The following TLK2 variants were observed in gnomAD, a reference collection of about 807,000 sequenced individuals.
TLK2 encodes the protein tousled like kinase 2.
A neutral mutation model predicts 117.3 loss-of-function variants in TLK2; 6 were observed. The ratio of observed to expected loss-of-function variants is 0.05; its 90% CI spans 0.03 to 0.10. TLK2 has a LOEUF of 0.10. Among genes scored for constraint, TLK2 ranks in the 10% least tolerant of loss-of-function variants. TLK2 has a pLI of 1.00. For missense variants in TLK2, 299 were observed against 901.2 expected (o/e 0.33, Z 8.56); for synonymous variants, 257 against 316.7 (o/e 0.81, Z 2.00).
chr17:62,595,776 A>G (rs1489679741), intron 16 of TLK2, among the ~76,000 whole-genome samples: 3 of 152,170 alleles, frequency 2.0e-5, no homozygotes, highest in African/African-American at 7.2e-5. Flanking sequence ...TTGTTTTTGT[A>G]AGAAGGATTT....
At chr17:62,523,351 G>A (rs1218353398) in intron 5 of TLK2, among the ~76,000 whole-genome samples, 174 bp downstream of exon 5, 1 of 152,118 alleles carries the variant, frequency 6.6e-6, no homozygotes, top group Admixed American at 6.6e-5. Flanking sequence ...GGCCAAGATG[G>A]GAGGATCGCT....
intron 11 of TLK2, 123 bp downstream of exon 11, chr17:62,565,260 T>A: frequency 1.6e-6 from 2 of 1,230,460 alleles, no homozygotes; most frequent in Non-Finnish European, 2.2e-6. Context: ...AGTTTTTTAG[T>A]CACCACATGT....
intron 7 of TLK2, among the ~76,000 whole-genome samples, chr17:62,538,032 TG>T (rs1439977461): frequency 7.3e-6 from 1 of 137,538 alleles, no homozygotes; most frequent in Non-Finnish European, 1.6e-5. Context: ...GTTAAATCTT[TG>T]TTTTTTTTTT....
chr17:62,594,147 C>G (rs1237895090), intron 16 of TLK2, among the ~76,000 whole-genome samples: 1 of 151,970 alleles, frequency 6.6e-6, no homozygotes, highest in Non-Finnish European at 1.5e-5. Flanking sequence ...GTGGCTCATG[C>G]CTGTAATCCC....
intron 16 of TLK2, among the ~76,000 whole-genome samples, chr17:62,594,237 CT>C (rs1034528489): frequency 7.9e-5 from 12 of 152,056 alleles, no homozygotes; most frequent in African/African-American, 2.9e-4. Flanking sequence ...GCAAAACCCC[CT>C]CTCTACTAAA....
At chr17:62,481,940 T>G (rs1041072632) in intron 2 of TLK2, among the ~76,000 whole-genome samples, 10 of 152,150 alleles carry the variant, frequency 6.6e-5, no homozygotes, top group African/African-American at 2.4e-4. Context: ...TGTGAACGTA[T>G]GAGCTACTGA....
intron 9 of TLK2, among the ~76,000 whole-genome samples, chr17:62,558,839 G>GA (rs996225403): frequency 2.0e-5 from 3 of 152,224 alleles, no homozygotes; most frequent in East Asian, 1.9e-4. Context: ...TTATACAAAA[G>GA]AAAAAATGAT....
At chr17:62,567,073 C>T (rs191182287) in intron 11 of TLK2, among the ~76,000 whole-genome samples, 58 of 152,098 alleles carry the variant, frequency 3.8e-4, no homozygotes, top group Middle Eastern at 3.4e-3. Flanking sequence ...ACAAAATATA[C>T]AAAAATTAGC....
chr17:62,486,699 A>G (rs1412437002), intron 2 of TLK2, among the ~76,000 whole-genome samples: 1 of 152,240 alleles, frequency 6.6e-6, no homozygotes, highest in Non-Finnish European at 1.5e-5. Flanking sequence ...TTGGATATCA[A>G]TGCTAATACA....
intron 15 of TLK2, among the ~76,000 whole-genome samples, chr17:62,584,107 G>GTTTTTTTTTTTTTTTTTTTTTTTTT (rs572000997): frequency 6.4e-5 from 5 of 78,524 alleles, no homozygotes; most frequent in South Asian, 6.0e-4. Context: ...TTCTTTTGTG[G>GTTTTTTTTTTTTTTTTTTTTTTTTT]TTTTTTTTTT....
At position 62,536,288 on chromosome 17, in the gene TLK2, C is replaced by A; in HGVS notation, c.482C>A (p.Thr161Lys). ...SVMLAKPRLDTEQLAQRGAGL... is the reference protein window; with the variant it reads ...SVMLAKPRLDKEQLAQRGAGL... ...ATGCTAGCAAAACCTCGGCTTGACA[C>A]AGAGCAGCTGGCGCAAAGGGGAGCT... is the stretch of plus-strand genomic sequence containing the variant. Residue 161 changes from threonine (T) to lysine (K), a missense_variant, in exon 7 of 22, where the codon ACA becomes AAA. By Grantham distance (78) the Thr-to-Lys change is moderately conservative. Transcript: ENST00000346027. 1 of 1,613,540 alleles carries A rather than the reference C, an allele frequency of 6.2e-7. No homozygotes were observed. The highest frequency in any genetic ancestry group is 8.5e-7 in the Non-Finnish European group (1 of 1,179,692).
At chr17:62,495,708 G>T (rs2073596039) in intron 2 of TLK2, among the ~76,000 whole-genome samples, 1 of 150,458 alleles carries the variant, frequency 6.6e-6, no homozygotes, top group South Asian at 2.1e-4. Flanking sequence ...ACCCAGGCTG[G>T]AGGGCAATGT....
At chr17:62,582,976 C>G (rs1048793971) in intron 15 of TLK2, among the ~76,000 whole-genome samples, 5 of 152,180 alleles carry the variant, frequency 3.3e-5, no homozygotes, top group South Asian at 2.1e-4. Flanking sequence ...TTTTTAAGAT[C>G]ACTTAATATT....
At chr17:62,487,609 T>C (rs574303686) in intron 2 of TLK2, among the ~76,000 whole-genome samples, 3 of 147,248 alleles carry the variant, frequency 2.0e-5, no homozygotes, top group African/African-American at 7.4e-5. Context: ...ACTTAAATCC[T>C]TGGCAAGTAT....
At chr17:62,593,947 C>T (rs891985844) in intron 16 of TLK2, among the ~76,000 whole-genome samples, 12 of 151,638 alleles carry the variant, frequency 7.9e-5, no homozygotes, top group East Asian at 3.9e-4. Flanking sequence ...TGCACACCAC[C>T]GCTCCCTGCT....
At chr17:62,544,719 T>G (rs1164283548) in intron 7 of TLK2, among the ~76,000 whole-genome samples, 1 of 152,236 alleles carries the variant, frequency 6.6e-6, no homozygotes, top group African/African-American at 2.4e-5. Context: ...ATTTTTAAGA[T>G]CATCCTTTCA....
At chr17:62,477,324 A>T (rs1372883900), upstream of TLK2, among the ~76,000 whole-genome samples, 1 of 152,058 alleles carries the variant, frequency 6.6e-6, no homozygotes, top group East Asian at 1.9e-4. Flanking sequence ...TCTTCTTCCA[A>T]CACTGTTCTC....
At chr17:62,484,745 TA>T (rs1302024132) in intron 2 of TLK2, among the ~76,000 whole-genome samples, 1 of 152,132 alleles carries the variant, frequency 6.6e-6, no homozygotes, top group Non-Finnish European at 1.5e-5. Context: ...TTTGGATCAT[TA>T]TTTCCCAATA....
At chr17:62,542,431 T>A (rs2077603076) in intron 7 of TLK2, among the ~76,000 whole-genome samples, 1 of 152,228 alleles carries the variant, frequency 6.6e-6, no homozygotes, top group African/African-American at 2.4e-5. Flanking sequence ...TTAAGTAAGA[T>A]CTGTTTACTC....
Sources: gnomAD v4.1 joint callset for allele counts (sites outside exome capture counted in the v4.1 genomes callset) on GRCh38, gnomAD v4.1.1 for gene constraint, MANE v1.5 for transcripts, NCBI Gene and HGNC (gene_info 2026-07-23, HGNC 2026-07-21) for gene names.